The following NFKB1 variants were observed in gnomAD, a reference collection of about 807,000 sequenced individuals.
The protein encoded by NFKB1 is nuclear factor NF-kappa-B p105 subunit.
A neutral mutation model predicts 105.1 loss-of-function variants in NFKB1; 9 were observed. The observed-to-expected ratio is 0.09, with a 90% CI of 0.05 to 0.15. The LOEUF (loss-of-function observed/expected upper bound fraction) is 0.15, where lower values mean the gene tolerates loss of function less well. NFKB1 is among the 10% of genes least tolerant of loss of function. The pLI, the probability that NFKB1 is intolerant of heterozygous loss-of-function variation, is 1.00. For missense variants in NFKB1, 830 were observed against 1,203.7 expected (o/e 0.69, Z 4.59); for synonymous variants, 440 against 442.2 (o/e 1.00, Z 0.06).
intron 1 of NFKB1, among the ~76,000 whole-genome samples, chr4:102,522,354 A>G (rs140347047): frequency 6.6e-6 from 1 of 152,354 alleles, no homozygotes; most frequent in African/African-American, 2.4e-5. Flanking sequence ...TGCAAAGGCT[A>G]TAAAAGTTCA....
At chr4:102,610,805 C>A in intron 20 of NFKB1, 106 bp downstream of exon 20, 7 of 1,339,486 alleles carry the variant, frequency 5.2e-6, no homozygotes, top group Non-Finnish European at 6.0e-6. Context: ...AAGAACATGC[C>A]TTTTATTTTT....
chr4:102,578,148 C>T (rs1560690142), intron 7 of NFKB1: 1 of 196,228 alleles, frequency 5.1e-6, no homozygotes, highest in Admixed American at 6.5e-5. Flanking sequence ...CCTGGAATGC[C>T]TTTATCCACT....
At chr4:102,532,872 A>G (rs895986626) in intron 3 of NFKB1, among the ~76,000 whole-genome samples, 1 of 152,180 alleles carries the variant, frequency 6.6e-6, no homozygotes, top group Non-Finnish European at 1.5e-5. Flanking sequence ...TTGCAAAGCT[A>G]TGGATTATTG....
intron 9 of NFKB1, among the ~76,000 whole-genome samples, chr4:102,581,394 G>A (rs11723120): frequency 0.34 from 51,604 of 151,922 alleles, 9,186 homozygotes; most frequent in Admixed American, 0.44. Flanking sequence ...AAAGACATGT[G>A]GCTTTTAAAA....
chr4:102,578,224 C>T (rs146554264), intron 7 of NFKB1: 1 of 152,842 alleles, frequency 6.5e-6, no homozygotes, highest in Non-Finnish European at 1.5e-5. Flanking sequence ...CTCTTCTGCT[C>T]CAAAGCCCTC....
intron 1 of NFKB1, chr4:102,503,533 A>G (rs544204286): frequency 5.1e-4 from 78 of 152,170 alleles, no homozygotes; most frequent in African/African-American, 1.9e-3. Context: ...GTGAAAATCT[A>G]TTATCTTTTT....
Position 102,610,709 on chromosome 4 carries a change from G to C in NFKB1, c.2352+10G>C. Reference sequence around the variant, plus strand: ...GGCCACCAGCTGGCAGGTGAGTGCCGCTCCATCTGTCTGATGGCTGCCCCT... The same window carrying C: ...GGCCACCAGCTGGCAGGTGAGTGCCCCTCCATCTGTCTGATGGCTGCCCCT... On this transcript the variant is annotated intron_variant, in intron 20 of 23. Coordinates refer to ENST00000226574, the MANE Select transcript of NFKB1 (RefSeq NM_003998.4). 1 of 1,612,624 alleles carries C rather than the reference G, an allele frequency of 6.2e-7. No homozygotes were observed. Among genetic ancestry groups the C allele is most frequent in the Non-Finnish European group, 8.5e-7 (1 of 1,179,094 alleles).
chr4:102,508,334 G>A (rs1739561691), intron 1 of NFKB1, among the ~76,000 whole-genome samples: 1 of 152,156 alleles, frequency 6.6e-6, no homozygotes, highest in African/African-American at 2.4e-5. Context: ...TGATGATGTG[G>A]AATGATGGAA....
intron 6 of NFKB1, among the ~76,000 whole-genome samples, chr4:102,570,640 T>G (rs1444317758): frequency 1.3e-5 from 2 of 152,052 alleles, no homozygotes; most frequent in Non-Finnish European, 2.9e-5. Flanking sequence ...ATCACCACAC[T>G]GCTACAAAAT....
chr4:102,536,135 T>C (rs1488952459), intron 4 of NFKB1, among the ~76,000 whole-genome samples: 1 of 152,224 alleles, frequency 6.6e-6, no homozygotes, highest in Non-Finnish European at 1.5e-5. Flanking sequence ...CAGGCTATTA[T>C]ACATGTGTTG....
chr4:102,614,375 C>G (rs1224562519), intron 23 of NFKB1, among the ~76,000 whole-genome samples: 1 of 152,170 alleles, frequency 6.6e-6, no homozygotes, highest in South Asian at 2.1e-4. Flanking sequence ...CGTTCCTCCT[C>G]CCCACTCTCC....
At position 102,550,921 on chromosome 4, in the gene NFKB1, C is replaced by T. The variant is rs147431996; in HGVS notation, c.258+12965C>T. Among the ~76,000 whole-genome samples, 8 of 152,242 alleles carry T rather than the reference C, an allele frequency of 5.3e-5. No homozygotes were observed. In the East Asian group the frequency reaches 1.5e-3, roughly 29 times the overall value. ...TTTGAATATCAACATTTGTCAGTTT[C>T]ACATCTTTCATTTATATGAGATTAA... On this transcript the variant is annotated intron_variant, in intron 5 of 23. Coordinates refer to ENST00000226574, the MANE Select transcript of NFKB1 (RefSeq NM_003998.4).
intron 6 of NFKB1, among the ~76,000 whole-genome samples, chr4:102,570,927 C>T (rs542394719): frequency 8.5e-5 from 13 of 152,150 alleles, no homozygotes; most frequent in Non-Finnish European, 1.9e-4. Context: ...TTTATAGATT[C>T]AATGCCATCC....
intron 15 of NFKB1, 56 bp downstream of exon 15, chr4:102,597,717 C>A (rs545056447): frequency 1.4e-5 from 22 of 1,552,932 alleles, no homozygotes; most frequent in Non-Finnish European, 1.8e-5. Context: ...AGAAGAGCAT[C>A]GTATAATGCA....
chr4:102,608,082 A>T (rs1040949090), intron 19 of NFKB1, among the ~76,000 whole-genome samples: 1 of 152,240 alleles, frequency 6.6e-6, no homozygotes, highest in African/African-American at 2.4e-5. Context: ...TATTAGTCTC[A>T]GATCATATCA....
At chr4:102,564,902 A>C (rs1253912091) in intron 5 of NFKB1, among the ~76,000 whole-genome samples, 1 of 151,994 alleles carries the variant, frequency 6.6e-6, no homozygotes. Context: ...GTGTTCTTTC[A>C]CTCTTGATTT....
At chr4:102,511,904 A>G (rs1036174156) in intron 1 of NFKB1, among the ~76,000 whole-genome samples, 2 of 152,170 alleles carry the variant, frequency 1.3e-5, no homozygotes, top group African/African-American at 2.4e-5. Context: ...CTCCACTGTC[A>G]TTTAAAAGAT....
At position 102,607,678 on chromosome 4, in the gene NFKB1, C is replaced by T. The variant is rs1254117224; in HGVS notation, c.2154C>T (p.Tyr718=). The change falls in exon 19 of 24, where the codon TAC becomes TAT. Residue 718 remains tyrosine (Y), a synonymous_variant. Coordinates refer to ENST00000226574, the MANE Select transcript of NFKB1 (RefSeq NM_003998.4). ...ATGCCCATGTGGACAGTACTACCTA[C>T]GATGGAACCACACCCCTGCATATAG... is the stretch of plus-strand genomic sequence containing the variant. ...EGDAHVDSTT[Y]DGTTPLHIAA... is the part of the protein sequence containing the mutation. 6.2e-6 allele frequency: 10 copies of T among 1,613,990 alleles called. No individual in the cohort carries two copies. The highest frequency in any genetic ancestry group is 4.0e-5 in the African/African-American group (3 of 74,900).
chr4:102,519,753 T>C (rs1740444136), intron 1 of NFKB1, among the ~76,000 whole-genome samples: 2 of 152,150 alleles, frequency 1.3e-5, no homozygotes, highest in African/African-American at 4.8e-5. Flanking sequence ...AACCAGAGAC[T>C]GTGGGGTCAG....
Sources: gnomAD v4.1 joint callset for allele counts (sites outside exome capture counted in the v4.1 genomes callset) on GRCh38, gnomAD v4.1.1 for gene constraint, MANE v1.5 for transcripts, NCBI Gene and HGNC (gene_info 2026-07-23, HGNC 2026-07-21) for gene names.